The following SAMD4B variants were observed in gnomAD, a reference collection of about 807,000 sequenced individuals.
The protein encoded by SAMD4B is sterile alpha motif domain containing 4B.
SAMD4B carries 5 observed loss-of-function variants against 74.5 expected under a neutral mutation model. That is an observed-to-expected ratio of 0.07 (90% CI 0.04 to 0.14). The LOEUF is 0.14. Ranked by LOEUF, SAMD4B falls within the 10% of genes least tolerant of loss-of-function variation. SAMD4B has a pLI of 1.00. For synonymous variants in SAMD4B, 373 were observed against 374.9 expected (o/e 1.00, Z 0.06); for missense variants, 608 against 921.8 (o/e 0.66, Z 4.41).
In SAMD4B at chr19:39,369,941, G is replaced by T. The variant is rs1304558852; in HGVS notation, c.483G>T (p.Arg161=). The T allele has an allele frequency of 3.1e-6, 5 of 1,613,856 alleles. No homozygotes were observed. The highest frequency in any genetic ancestry group is 2.2e-5 in the East Asian group (1 of 44,864). Residue 161 remains arginine (R), a synonymous_variant, in exon 4 of 14, where the codon CGG becomes CGT. Transcript: ENST00000610417. ...GGTTGGCTAGTGGCTTCCGCTCCCG[G>T]CCAGAGCCCTCCTACCATTCACGTC... ...EERLASGFRS[R]PEPSYHSRQG... is the part of the protein sequence containing the mutation.
chr19:39,372,397 C>T (rs2090508836), intron 4 of SAMD4B, among the ~76,000 whole-genome samples: 1 of 152,176 alleles, frequency 6.6e-6, no homozygotes, highest in Admixed American at 6.5e-5. Flanking sequence ...GAACTCAGGC[C>T]TGTCTTTACC....
chr19:39,346,086 T>A (rs1051909958), intron 1 of SAMD4B, among the ~76,000 whole-genome samples: 2 of 152,168 alleles, frequency 1.3e-5, no homozygotes, highest in Non-Finnish European at 2.9e-5. Flanking sequence ...CAAGGGATTC[T>A]GTTTCTAGGG....
At position 39,385,610 on chromosome 19, in the gene SAMD4B, C is replaced by T. The variant is rs1046380324; in HGVS notation, c.*2083C>T. ...CTTTGAGTAACTGTACAGTTTTTCT[C>T]GCTGTTGGAGAAGACTTATTTGTTG... On this transcript the variant is annotated 3_prime_UTR_variant, in exon 14 of 14. Transcript: ENST00000610417. 34 of 509,978 alleles carry T rather than the reference C, an allele frequency of 6.7e-5. No homozygotes were observed. The highest frequency in any genetic ancestry group is 1.0e-3 in the Middle Eastern group (2 of 1,958). The allele number at this position is 509,978 out of a possible 1,614,324, so 31.6% of individuals were successfully genotyped here.
downstream of SAMD4B, chr19:39,390,207 C>T: frequency 6.2e-7 from 1 of 1,612,996 alleles, no homozygotes; most frequent in Non-Finnish European, 8.5e-7. Flanking sequence ...TGCCCCACCT[C>T]TGCTCCCAGC....
In SAMD4B at chr19:39,377,730, A is replaced by C; in HGVS notation, c.1350A>C (p.Pro450=). 1.2e-6 allele frequency: 2 copies of C among 1,614,106 alleles called. No homozygotes were observed. The highest frequency in any genetic ancestry group is 1.7e-6 in the Non-Finnish European group (2 of 1,179,992). The change falls in exon 8 of 14, where the codon CCA becomes CCC. Residue 450 remains proline (P), a synonymous_variant. Transcript: ENST00000610417. ...CAGCTGTGGAGAACTACCCACCTCC[A>C]CCAGCTCCAGCTCCCACTGATGGCA... ...DPPAVENYPP[P]PAPAPTDGSE...
intron 3 of SAMD4B, among the ~76,000 whole-genome samples, chr19:39,361,134 C>T (rs551511911): frequency 1.1e-4 from 17 of 152,288 alleles, no homozygotes; most frequent in African/African-American, 4.1e-4. Flanking sequence ...CCAAAGAAGA[C>T]AGAGCCACAG....
At chr19:39,347,985 G>A (rs1600512068) in intron 1 of SAMD4B, among the ~76,000 whole-genome samples, 4 of 152,314 alleles carry the variant, frequency 2.6e-5, no homozygotes, top group Admixed American at 2.6e-4. Context: ...ATAAAACAGT[G>A]TGAAAGAGAG....
At chr19:39,387,245 A>T, downstream of SAMD4B, 1 of 403,630 alleles carries the variant, frequency 2.5e-6, no homozygotes, top group Non-Finnish European at 5.0e-6. Flanking sequence ...CAATTGTAAT[A>T]CAATAGTAAG....
In SAMD4B at chr19:39,385,463, G is replaced by A; in HGVS notation, c.*1936G>A. 2.3e-6 allele frequency: 1 copy of A among 435,526 alleles called. No individual in the cohort carries two copies. Among genetic ancestry groups the A allele is most frequent in the Non-Finnish European group, 4.0e-6 (1 of 247,346 alleles). The allele number at this position is 435,526 out of a possible 1,614,324, so 27.0% of individuals were successfully genotyped here. ...CTGACAGCAGAGTGTGCAGGACGCA[G>A]GCGGCCCCACTCTGATGGGCAGGAC... On this transcript the variant is annotated 3_prime_UTR_variant, in exon 14 of 14. Transcript: ENST00000610417.
At chr19:39,388,592 C>T (rs919537915), downstream of SAMD4B, 2 of 1,614,180 alleles carry the variant, frequency 1.2e-6, no homozygotes, top group East Asian at 2.2e-5. Flanking sequence ...TCTCCTCCTC[C>T]TGGTCCCGCT....
In SAMD4B at chr19:39,356,750, CCAA is replaced by C; in HGVS notation, c.-139_-137del. On this transcript the variant is annotated 5_prime_UTR_variant, in exon 3 of 14. Transcript: ENST00000610417. ...CCATGTGAGCAGGCTTCCTCCTCCCCCAACAACCGTTGCCACCACGCCCAGAAA... is the reference window on the plus strand; with the variant it reads ...CCATGTGAGCAGGCTTCCTCCTCCCCCAACCGTTGCCACCACGCCCAGAAA... 1 of 645,098 alleles carries C rather than the reference CCAA, an allele frequency of 1.6e-6. No homozygotes were observed. Among genetic ancestry groups the C allele is most frequent in the Non-Finnish European group, 2.6e-6 (1 of 381,882 alleles). The allele number at this position is 645,098 out of a possible 1,614,324, so 40.0% of individuals were successfully genotyped here.
At position 39,380,629 on chromosome 19, in the gene SAMD4B, G is replaced by C; in HGVS notation, c.1692G>C (p.Val564=). The change falls in exon 11 of 14, where the codon GTG becomes GTC. Residue 564 remains valine (V), a synonymous_variant. Transcript: ENST00000610417. Reference sequence around the variant, plus strand: ...ACTCGCTCCCCATAGCTGGCTCTGTGGGGATGGGAGTGGCCCGGCGTACCC... The same window carrying C: ...ACTCGCTCCCCATAGCTGGCTCTGTCGGGATGGGAGTGGCCCGGCGTACCC... ...GSNSLPIAGS[V]GMGVARRTQR... is the part of the protein sequence containing the mutation. 6.2e-7 allele frequency: 1 copy of C among 1,614,140 alleles called. No homozygotes were observed. The highest frequency in any genetic ancestry group is 1.1e-5 in the South Asian group (1 of 91,084).
intron 3 of SAMD4B, among the ~76,000 whole-genome samples, chr19:39,363,702 T>C (rs576632166): frequency 3.7e-4 from 56 of 152,266 alleles, no homozygotes; most frequent in African/African-American, 1.2e-3. Flanking sequence ...CACAATGATA[T>C]TGAGTTAGGT....
At chr19:39,361,905 C>T (rs959311439) in intron 3 of SAMD4B, among the ~76,000 whole-genome samples, 3 of 152,012 alleles carry the variant, frequency 2.0e-5, no homozygotes, top group Non-Finnish European at 2.9e-5. Flanking sequence ...CCAGCCTGGG[C>T]GACAGAGCCA....
At chr19:39,360,259 T>G (rs1158499102) in intron 3 of SAMD4B, 1 of 152,212 alleles carries the variant, frequency 6.6e-6, no homozygotes, top group Non-Finnish European at 1.5e-5. Context: ...ATGCTGCATT[T>G]TATACAAATA....
chr19:39,342,791 C>A (rs1019901405), intron 1 of SAMD4B, among the ~76,000 whole-genome samples: 31 of 151,720 alleles, frequency 2.0e-4, no homozygotes, highest in African/African-American at 7.5e-4. Flanking sequence ...GGGCCCTGGC[C>A]GAAGCTTCCC....
intron 4 of SAMD4B, among the ~76,000 whole-genome samples, chr19:39,374,139 T>C (rs62119701): frequency 0.073 from 11,129 of 151,974 alleles, 527 homozygotes; most frequent in African/African-American, 0.13. Flanking sequence ...GGCATGGTGT[T>C]GGCCACCCGT....
At chr19:39,348,522 A>C (rs1286532373) in intron 1 of SAMD4B, 2 of 152,272 alleles carry the variant, frequency 1.3e-5, no homozygotes, top group South Asian at 2.1e-4. Context: ...AGTGTGGCTA[A>C]AGCCTAAGTG....
chr19:39,377,620 G>A lies in SAMD4B; in HGVS notation c.1240G>A (p.Ala414Thr). 1 of 1,614,054 alleles carries A rather than the reference G, an allele frequency of 6.2e-7. No individual in the cohort carries two copies. Among genetic ancestry groups the A allele is most frequent in the Non-Finnish European group, 8.5e-7 (1 of 1,179,984 alleles). Residue 414 changes from alanine (A) to threonine (T), a missense_variant, in exon 8 of 14, where the codon GCC (alanine) becomes ACC (threonine). By Grantham distance (58) the Ala-to-Thr change is moderately conservative. Coordinates refer to ENST00000610417, the MANE Select transcript of SAMD4B (RefSeq NM_001384574.2). ...CACCACCCCTACTGCCAAGGATGGG[G>A]CCCCGGGGGAACCACCGCTGCCAGG... ...ATTTPTAKDG[A>T]PGEPPLPGAE...
Sources: gnomAD v4.1 joint callset for allele counts (sites outside exome capture counted in the v4.1 genomes callset) on GRCh38, gnomAD v4.1.1 for gene constraint, MANE v1.5 for transcripts, NCBI Gene and HGNC (gene_info 2026-07-23, HGNC 2026-07-21) for gene names.